Variants in NFIB observed in about 807,000 individuals in gnomAD.
The protein encoded by NFIB is nuclear factor I B.
In NFIB, 11 loss-of-function variants were observed where a neutral mutation model predicts 61.5. The ratio of observed to expected loss-of-function variants is 0.18; its 90% CI spans 0.11 to 0.30. NFIB has a LOEUF of 0.30. Among genes scored for constraint, NFIB ranks in the 10% least tolerant of loss-of-function variants. NFIB has a pLI of 1.00. For synonymous variants in NFIB, 260 were observed against 216.5 expected (o/e 1.20, Z -1.76); for missense variants, 471 against 608.9 (o/e 0.77, Z 2.38).
Position 14,333,952 on chromosome 9 carries a change from T to G in NFIB, c.109-26432A>C, listed in dbSNP as rs150665257. 2.0e-3 allele frequency among the ~76,000 whole-genome samples: 299 copies of G among 152,328 alleles called. No homozygotes were observed. In the Middle Eastern group the frequency reaches 0.041, roughly 21 times the overall value. ...GTACTGCCTGGTTTTGAACTTTACA[T>G]AAGAAAAAGCATACAATATTTACTG... On this transcript the variant is annotated intron_variant, in intron 1 of 8. Coordinates refer to the NFIB transcript ENST00000380934.
chr9:14,236,637 T>G (rs569157826), intron 2 of NFIB, among the ~76,000 whole-genome samples: 2 of 152,340 alleles, frequency 1.3e-5, no homozygotes, highest in East Asian at 3.9e-4. Flanking sequence ...TTGCTACAAT[T>G]AAATTCCAGA....
chr9:14,355,925 G>C (rs1006014722), intron 1 of NFIB, among the ~76,000 whole-genome samples: 3 of 151,382 alleles, frequency 2.0e-5, no homozygotes, highest in African/African-American at 7.3e-5. Flanking sequence ...CCACTGCACT[G>C]CAGCCTGGGT....
intron 1 of NFIB, among the ~76,000 whole-genome samples, chr9:14,334,516 T>C (rs2060861085): frequency 6.6e-6 from 1 of 152,210 alleles, no homozygotes; most frequent in African/African-American, 2.4e-5. Flanking sequence ...TTTCCCGTTT[T>C]TATTTGCACT....
chr9:14,291,989 T>C (rs2059133754), intron 2 of NFIB, among the ~76,000 whole-genome samples: 1 of 152,148 alleles, frequency 6.6e-6, no homozygotes, highest in Non-Finnish European at 1.5e-5. Flanking sequence ...TGGCTGCAGA[T>C]TGATTTCGTT....
At chr9:14,256,683 CTTAAT>C (rs1471099833) in intron 2 of NFIB, among the ~76,000 whole-genome samples, 5 of 152,182 alleles carry the variant, frequency 3.3e-5, no homozygotes, top group Non-Finnish European at 7.4e-5. Context: ...ATCACAGTTA[CTTAAT>C]CACTGTGAGC....
rs2033086222 is a variant in NFIB, at chr9:14,087,751, A to G, written c.*558T>C. ...AGAGTGCTTATAAAATGGCTGGCTC[A>G]TGGCTCTGTCACCCAGCACCTCTGA... On this transcript the variant is annotated 3_prime_UTR_variant, in exon 11 of 11. Coordinates refer to ENST00000380953, the MANE Select transcript of NFIB (RefSeq NM_001190737.2). 9.1e-6 allele frequency: 2 copies of G among 219,372 alleles called. No homozygotes were observed. The highest frequency in any genetic ancestry group is 1.8e-5 in the Non-Finnish European group (2 of 108,956). 13.6% of individuals were successfully genotyped at this position (219,372 alleles called of 1,614,324 possible).
At chr9:14,134,813 G>C (rs2040817372) in intron 6 of NFIB, among the ~76,000 whole-genome samples, 1 of 148,784 alleles carries the variant, frequency 6.7e-6, no homozygotes, top group South Asian at 2.1e-4. Context: ...AGGAAGAGTT[G>C]CTTGAACCAG....
At chr9:14,412,750 G>A in the NFIB span, among the ~76,000 whole-genome samples, 10 of 152,154 alleles carry the variant, frequency 6.6e-5, no homozygotes, top group African/African-American at 9.7e-5. Context: ...AGAGGGGAGC[G>A]CTCAGGGCAT....
chr9:14,241,619 T>C (rs530061626), intron 2 of NFIB, among the ~76,000 whole-genome samples: 1 of 152,248 alleles, frequency 6.6e-6, no homozygotes, highest in South Asian at 2.1e-4. Flanking sequence ...CCACCTTTCT[T>C]CAAGAAACTT....
At chr9:14,355,241 T>C (rs967321987) in intron 1 of NFIB, among the ~76,000 whole-genome samples, 12 of 152,172 alleles carry the variant, frequency 7.9e-5, no homozygotes, top group African/African-American at 2.7e-4. Flanking sequence ...TAATCCAGTA[T>C]GACTGGTGGA....
At chr9:14,433,617 G>A in the NFIB span, among the ~76,000 whole-genome samples, 1 of 152,078 alleles carries the variant, frequency 6.6e-6, no homozygotes, top group Non-Finnish European at 1.5e-5. Context: ...GCCCTGGCAA[G>A]GCTCAAAAGC....
Position 14,307,620 on chromosome 9 carries a change from G to A in NFIB, c.31-100C>T. On this transcript the variant is annotated intron_variant, in intron 1 of 10. Transcript: ENST00000380953. This position sits in a 1 kb window ranked among gnomAD's most constrained non-coding sequence, Gnocchi z 5.3. The stretch of plus-strand genomic sequence containing the variant: ...AAGACCACAACCCGTTTCCAATTCA[G>A]TACAAAAAGTTATACATGAAAATAA... 1 of 1,119,022 alleles carries A rather than the reference G, an allele frequency of 8.9e-7. No individual in the cohort carries two copies. The highest frequency in any genetic ancestry group is 1.2e-6 in the Non-Finnish European group (1 of 820,712). 69.3% of individuals were successfully genotyped at this position (1,119,022 alleles called of 1,614,324 possible).
chr9:14,171,919 T>C (rs1351266314), intron 3 of NFIB, among the ~76,000 whole-genome samples: 1 of 152,054 alleles, frequency 6.6e-6, no homozygotes, highest in Non-Finnish European at 1.5e-5. Flanking sequence ...ACACAGAGAA[T>C]TAAAGACAAA....
chr9:14,423,035 C>T, the NFIB span, among the ~76,000 whole-genome samples: 27 of 152,116 alleles, frequency 1.8e-4, no homozygotes, highest in Admixed American at 5.2e-4. Context: ...TTCAAATGAT[C>T]ATTTCTATCT....
chr9:14,511,462 G>A, the NFIB span, among the ~76,000 whole-genome samples: 1 of 151,866 alleles, frequency 6.6e-6, no homozygotes, highest in Admixed American at 6.6e-5. Context: ...ACTATTGAGT[G>A]CTTATTATAT....
the NFIB span, among the ~76,000 whole-genome samples, chr9:14,474,607 C>T: frequency 6.6e-6 from 1 of 152,204 alleles, no homozygotes; most frequent in Admixed American, 6.5e-5. Context: ...TAAATCTGAT[C>T]TGGGTGGGAC....
chr9:14,510,131 A>C, the NFIB span, among the ~76,000 whole-genome samples: 1 of 152,194 alleles, frequency 6.6e-6, no homozygotes, highest in Admixed American at 6.5e-5. Context: ...CCTGACCTCA[A>C]GTGATCTGCC....
At chr9:14,214,483 T>C (rs990531037) in intron 2 of NFIB, among the ~76,000 whole-genome samples, 4 of 152,106 alleles carry the variant, frequency 2.6e-5, no homozygotes, top group Non-Finnish European at 4.4e-5. Flanking sequence ...CATTACCACA[T>C]CCCATTTTCA....
At chr9:14,172,696 A>T (rs1019723917) in intron 3 of NFIB, among the ~76,000 whole-genome samples, 2 of 152,078 alleles carry the variant, frequency 1.3e-5, no homozygotes, top group Non-Finnish European at 2.9e-5. Flanking sequence ...AATCTCTAAC[A>T]TTCTATTCTT....
Sources: gnomAD v4.1 joint callset for allele counts (sites outside exome capture counted in the v4.1 genomes callset) on GRCh38, gnomAD v4.1.1 for gene constraint, Gnocchi (gnomAD v3.1) non-coding constraint, MANE v1.5 for transcripts, NCBI Gene and HGNC (gene_info 2026-07-23, HGNC 2026-07-21) for gene names.